Variants in DYNLT1 observed in about 807,000 individuals in gnomAD.
DYNLT1 encodes the protein T-complex testis-specific protein 1 homolog.
In DYNLT1, 18 loss-of-function variants were observed where a neutral mutation model predicts 19.6. That is an observed-to-expected ratio of 0.92 (90% CI 0.64 to 1.36). The LOEUF is 1.36. Ranked by LOEUF, DYNLT1 falls within the 40% of genes most tolerant of loss-of-function variation. The pLI is 0.00. For missense variants in DYNLT1, 137 were observed against 139.3 expected (o/e 0.98, Z 0.08); for synonymous variants, 56 against 44.0 (o/e 1.27, Z -1.07).
At chr6:158,637,302 G>T in intron 3 of DYNLT1, 97 bp from the exon 4 acceptor site, 2 of 1,074,090 alleles carry the variant, frequency 1.9e-6, no homozygotes, top group Non-Finnish European at 2.7e-6. Context: ...GTAGCTCCAC[G>T]TGGTTGATGT....
chr6:158,639,273 C>T (rs1469499967), intron 2 of DYNLT1, among the ~76,000 whole-genome samples: 3 of 152,282 alleles, frequency 2.0e-5, no homozygotes, highest in Non-Finnish European at 2.9e-5. Flanking sequence ...TTCTTGTCCT[C>T]GGCCACTGTG....
chr6:158,644,220 G>C (rs1056628067), intron 1 of DYNLT1, among the ~76,000 whole-genome samples: 17 of 151,940 alleles, frequency 1.1e-4, no homozygotes, highest in Non-Finnish European at 2.1e-4. Flanking sequence ...GGCGGCGGGA[G>C]CGTCACCCGC....
At position 158,641,062 on chromosome 6, in the gene DYNLT1, A is replaced by C. The variant is rs750319271; in HGVS notation, c.69+257T>G. On this transcript the variant is annotated intron_variant, in intron 2 of 4. Coordinates refer to ENST00000367089, the MANE Select transcript of DYNLT1 (RefSeq NM_006519.4). Reference sequence around the variant, plus strand: ...TGTATACCAGGATTCTTTTATGCTTAAAAGATTATAGAATCAAATCTTGGT... The same window carrying C: ...TGTATACCAGGATTCTTTTATGCTTCAAAGATTATAGAATCAAATCTTGGT... Among the ~76,000 whole-genome samples, 16 of 152,230 alleles carry C rather than the reference A, an allele frequency of 1.1e-4. 1 individual carries two copies. Among genetic ancestry groups the C allele is most frequent in the South Asian group, 4.1e-4 (2 of 4,830 alleles).
chr6:158,644,657 C>G lies in DYNLT1; in HGVS notation c.27+25G>C, dbSNP rs1444528958. 1.9e-6 allele frequency: 3 copies of G among 1,611,760 alleles called. No homozygotes were observed. The Admixed American group carries it at 5.0e-5, about 27-fold the overall frequency. On this transcript the variant is annotated intron_variant, in intron 1 of 4. Coordinates refer to ENST00000367089, the MANE Select transcript of DYNLT1 (RefSeq NM_006519.4). ...GCGGCCAGGGCTCTAGGCCTCCACC[C>G]TTCCGTCGCCGACCCGGCGGTTACC...
chr6:158,636,949 G>A (rs994617408), intron 4 of DYNLT1, 52 bp from the exon 5 acceptor site: 15 of 1,592,584 alleles, frequency 9.4e-6, no homozygotes, highest in Middle Eastern at 1.6e-4. Flanking sequence ...GGGGGACGAC[G>A]TTTTACTCAC....
Position 158,637,937 on chromosome 6 carries a change from A to G in DYNLT1, c.70-43T>C, listed in dbSNP as rs372034593. The G allele has an allele frequency of 8.2e-6, 13 of 1,592,156 alleles. No homozygotes were observed. In the African/African-American group the frequency reaches 1.3e-4, roughly 16 times the overall value. ...AAGCGCGTCCCGGTTAACCAAATGC[A>G]CCCACACCACCTTTCAATCAGGAAC... On this transcript the variant is annotated intron_variant, in intron 2 of 4. Transcript: ENST00000367089.
rs560145374 is a variant in DYNLT1, at chr6:158,636,603, T to C, written c.*224A>G. On this transcript the variant is annotated 3_prime_UTR_variant, in exon 5 of 5. Transcript: ENST00000367089. Reference sequence around the variant, plus strand: ...ATTTTAGCACCTTTGAAATGAAATATTCAGAGTTAAGACAAGTGGCAACGC... The same window carrying C: ...ATTTTAGCACCTTTGAAATGAAATACTCAGAGTTAAGACAAGTGGCAACGC... 7 of 487,358 alleles carry C rather than the reference T, an allele frequency of 1.4e-5. No homozygotes were observed. The highest frequency in any genetic ancestry group is 7.0e-5 in the Admixed American group (2 of 28,588). 30.2% of individuals were successfully genotyped at this position (487,358 alleles called of 1,614,324 possible).
intron 1 of DYNLT1, 126 bp downstream of exon 1, chr6:158,644,556 C>G: frequency 8.7e-7 from 1 of 1,154,472 alleles, no homozygotes. Context: ...GAAGCTCAGG[C>G]CGTGGGCTGC....
At chr6:158,637,229 T>G (rs969973139) in intron 3 of DYNLT1, 24 bp from the exon 4 acceptor site, 58 of 1,608,460 alleles carry the variant, frequency 3.6e-5, no homozygotes, top group Non-Finnish European at 4.6e-5. Flanking sequence ...AAATTTTTGT[T>G]AGAGAAGTCT....
chr6:158,638,641 T>G (rs968955209), intron 2 of DYNLT1, among the ~76,000 whole-genome samples: 1 of 151,996 alleles, frequency 6.6e-6, no homozygotes, highest in Non-Finnish European at 1.5e-5. Flanking sequence ...TTTGTAGAGA[T>G]GGGGTCTTGC....
At chr6:158,637,973 C>T in intron 2 of DYNLT1, 79 bp from the exon 3 acceptor site, 1 of 1,555,504 alleles carries the variant, frequency 6.4e-7, no homozygotes, top group Non-Finnish European at 8.6e-7. Flanking sequence ...TGACGGCACC[C>T]CAAGAAGTGA....
At chr6:158,644,244 G>A (rs1787267822) in intron 1 of DYNLT1, among the ~76,000 whole-genome samples, 1 of 152,002 alleles carries the variant, frequency 6.6e-6, no homozygotes, top group East Asian at 2.0e-4. Flanking sequence ...TCCGCGGGGA[G>A]ACGTCCAAGC....
At chr6:158,642,808 A>G (rs1232726657) in intron 1 of DYNLT1, 3 of 152,236 alleles carry the variant, frequency 2.0e-5, no homozygotes, top group South Asian at 4.1e-4. Flanking sequence ...GACATTTTAA[A>G]GAATTTTTAG....
intron 2 of DYNLT1, among the ~76,000 whole-genome samples, chr6:158,639,100 C>T (rs1358315467): frequency 2.6e-5 from 4 of 152,176 alleles, no homozygotes; most frequent in African/African-American, 9.7e-5. Context: ...CTGAGCTGTG[C>T]ATGGTGGTGA....
rs566185287 is a variant in DYNLT1 at position 158,643,193 on chromosome 6, TTTC to T, written c.27+1486_27+1488del. Among the ~76,000 whole-genome samples, 224 of 152,342 alleles carry T rather than the reference TTTC, an allele frequency of 1.5e-3. 1 individual carries two copies. Among genetic ancestry groups the T allele is most frequent in the African/African-American group, 4.7e-3 (194 of 41,582 alleles). On this transcript the variant is annotated intron_variant, in intron 1 of 4. Coordinates refer to ENST00000367089, the MANE Select transcript of DYNLT1 (RefSeq NM_006519.4). The stretch of plus-strand genomic sequence containing the variant: ...TTAAGCGCTTTCCTTTACAAAGCGA[TTTC>T]TTTTTTAGAAGTTTTACTCGATATT...
At position 158,637,133 on chromosome 6, in the gene DYNLT1, G is replaced by A. The variant is rs764307943; in HGVS notation, c.266C>T (p.Thr89Ile). ...AACATGAATGAAAATCATACCGTCA[G>A]TAGAGCTGTCCCAGAAGCAGGAACT... Reference protein sequence around the residue: ...TASSCFWDSSTDGSCTVRWEN... With the variant: ...TASSCFWDSSIDGSCTVRWEN... The change falls in exon 4 of 5, where the codon ACT becomes ATT. Residue 89 changes from threonine to isoleucine, a missense_variant. Thr to Ile is a moderately conservative substitution (Grantham distance 89). Transcript: ENST00000367089. The A allele has an allele frequency of 9.3e-6, 15 of 1,614,106 alleles. No homozygotes were observed. The highest frequency in any genetic ancestry group is 1.2e-5 in the Non-Finnish European group (14 of 1,180,030).
chr6:158,641,252 T>C (rs1787128177), intron 2 of DYNLT1, 67 bp downstream of exon 2: 2 of 1,443,274 alleles, frequency 1.4e-6, no homozygotes, highest in African/African-American at 2.9e-5. Context: ...AAGATAGTAT[T>C]TAAAACACAT....
intron 4 of DYNLT1, 41 bp from the exon 5 acceptor site, chr6:158,636,938 T>C: frequency 6.2e-7 from 1 of 1,604,832 alleles, no homozygotes; most frequent in Non-Finnish European, 8.5e-7. Flanking sequence ...CAGGGAAAGC[T>C]GGGGGACGAC....
intron 1 of DYNLT1, among the ~76,000 whole-genome samples, chr6:158,643,905 A>G (rs1271790264): frequency 6.6e-6 from 1 of 152,122 alleles, no homozygotes; most frequent in African/African-American, 2.4e-5. Flanking sequence ...ATTCAGTAAG[A>G]AGAAAATGAG....
Sources: allele counts gnomAD v4.1 joint callset (sites outside exome capture counted in the v4.1 genomes callset), GRCh38; gene constraint gnomAD v4.1.1; transcripts MANE v1.5; gene names NCBI Gene and HGNC (gene_info 2026-07-23, HGNC 2026-07-21).